Variants in KCNH1 observed in about 807,000 individuals in gnomAD.
The protein encoded by KCNH1 is potassium voltage-gated channel subfamily H member 1.
KCNH1 carries 27 observed loss-of-function variants against 69.2 expected under a neutral mutation model. The observed-to-expected ratio is 0.39, with a 90% CI of 0.29 to 0.54. KCNH1 has a LOEUF of 0.54. Among genes scored for constraint, KCNH1 ranks in the 20% least tolerant of loss-of-function variants. The pLI, the probability that KCNH1 is intolerant of heterozygous loss-of-function variation, is 0.68. For missense variants in KCNH1, 798 were observed against 1,261.6 expected, an observed-to-expected ratio of 0.63 and a Z score of 5.57; for synonymous variants, 456 against 487.7, an observed-to-expected ratio of 0.93 and a Z score of 0.86.
intron 3 of KCNH1, among the ~76,000 whole-genome samples, chr1:211,092,132 T>C (rs1691063654): frequency 6.6e-6 from 1 of 152,258 alleles, no homozygotes; most frequent in African/African-American, 2.4e-5. Flanking sequence ...GCCAGCACTG[T>C]GCTCAGCATT....
At chr1:210,861,490 C>T (rs1196392092) in intron 7 of KCNH1, 1 of 774,480 alleles carries the variant, frequency 1.3e-6, no homozygotes, top group Admixed American at 1.7e-5. Context: ...TATGTAAGGC[C>T]CACTTCTTGC....
At chr1:211,117,825 ACTGT>A (rs1691609500) in intron 1 of KCNH1, among the ~76,000 whole-genome samples, 2 of 152,160 alleles carry the variant, frequency 1.3e-5, no homozygotes, top group African/African-American at 2.4e-5. Context: ...ATAAAATATG[ACTGT>A]CTAAGTAATC....
chr1:210,781,831 C>T (rs930844879), intron 9 of KCNH1, among the ~76,000 whole-genome samples: 4 of 152,212 alleles, frequency 2.6e-5, no homozygotes, highest in East Asian at 1.9e-4. Flanking sequence ...GTATGAGTTT[C>T]GGGGCTAGAC....
intron 6 of KCNH1, among the ~76,000 whole-genome samples, chr1:210,935,061 A>G (rs61194650): frequency 0.049 from 7,425 of 151,402 alleles, 577 homozygotes; most frequent in African/African-American, 0.16. Flanking sequence ...ACTGTTCACA[A>G]TAGCTAAGAT....
At position 210,684,158 on chromosome 1, in the gene KCNH1, G is replaced by GAA. The variant is rs1275737980; in HGVS notation, c.2113-22_2113-21dup. On this transcript the variant is annotated intron_variant, in intron 10 of 10. Coordinates refer to ENST00000271751, the MANE Select transcript of KCNH1 (RefSeq NM_172362.3). ...CACAATCTGGAGAGAGAGAGAGAGA[G>GAA]AATGACATGGCGTGTTAGCCACATG... is the stretch of plus-strand genomic sequence containing the variant. 9.4e-6 allele frequency: 14 copies of GAA among 1,495,508 alleles called. No individual in the cohort carries two copies. The highest frequency in any genetic ancestry group is 2.8e-5 in the African/African-American group (2 of 71,418). The allele number at this position is 1,495,508 out of a possible 1,614,324, so 92.6% of individuals were successfully genotyped here.
intron 6 of KCNH1, among the ~76,000 whole-genome samples, chr1:210,961,316 AT>A (rs559100360): frequency 1.3e-4 from 19 of 151,158 alleles, no homozygotes; most frequent in Non-Finnish European, 1.8e-4. Context: ...CAAAGAGCAG[AT>A]TTTTTTTCAG....
chr1:211,066,309 T>G (rs115578367), intron 5 of KCNH1, among the ~76,000 whole-genome samples: 2,779 of 152,262 alleles, frequency 0.018, 40 homozygotes, highest in Non-Finnish European at 0.022. Flanking sequence ...TATTGCAAAT[T>G]GAGTATCCTT....
rs1558421105 is a variant in KCNH1, at chr1:210,683,770, G to GC, written c.2480dup (p.Gly828ArgfsTer21). ...TTTTGCGCTTGGCACAATCGCCCCC[G>GC]CCCCCCTTGGGGCCCAGGCACTCGG... is the stretch of plus-strand genomic sequence containing the variant. On this transcript the variant is annotated frameshift_variant, in exon 11 of 11. Coordinates refer to ENST00000271751, the MANE Select transcript of KCNH1 (RefSeq NM_172362.3). LOFTEE classifies it low-confidence loss of function (END_TRUNC). The surrounding 1 kb of genome is among the most constrained non-coding windows in gnomAD (Gnocchi z 5.7). The GC allele has an allele frequency of 1.2e-6, 2 of 1,613,682 alleles. No homozygotes were observed. Among genetic ancestry groups the GC allele is most frequent in the Admixed American group, 1.7e-5 (1 of 60,022 alleles).
chr1:211,129,144 C>T (rs955521413), intron 1 of KCNH1, among the ~76,000 whole-genome samples: 9 of 151,984 alleles, frequency 5.9e-5, no homozygotes, highest in Admixed American at 4.6e-4. Flanking sequence ...ACAGGTGTGG[C>T]CACTTAGAGA....
intron 1 of KCNH1, among the ~76,000 whole-genome samples, chr1:211,124,185 C>T (rs906809722): frequency 2.0e-5 from 3 of 152,146 alleles, no homozygotes; most frequent in African/African-American, 7.2e-5. Context: ...GGAAATGGAA[C>T]ATGAAAGTAT....
At chr1:211,047,245 A>T (rs536385147) in intron 5 of KCNH1, among the ~76,000 whole-genome samples, 1 of 152,350 alleles carries the variant, frequency 6.6e-6, no homozygotes, top group Admixed American at 6.5e-5. Context: ...ATACTACACC[A>T]CACGAATATC....
chr1:211,033,576 A>G (rs959824514), intron 5 of KCNH1, among the ~76,000 whole-genome samples: 1 of 152,234 alleles, frequency 6.6e-6, no homozygotes, highest in Non-Finnish European at 1.5e-5. Context: ...ACGGAATACT[A>G]TGCAGCCATA....
At chr1:210,983,798 A>G (rs977007171) in intron 6 of KCNH1, among the ~76,000 whole-genome samples, 5 of 152,108 alleles carry the variant, frequency 3.3e-5, no homozygotes, top group Non-Finnish European at 5.9e-5. Flanking sequence ...GTTTTTTCCA[A>G]TTCTGTGAAG....
At chr1:210,757,103 C>T (rs1006861717) in intron 10 of KCNH1, among the ~76,000 whole-genome samples, 3 of 152,218 alleles carry the variant, frequency 2.0e-5, no homozygotes, top group African/African-American at 7.2e-5. Context: ...CCTAGGAGTG[C>T]AGTCCTGGCC....
chr1:210,779,017 C>T (rs2102376429), intron 9 of KCNH1, among the ~76,000 whole-genome samples: 1 of 152,258 alleles, frequency 6.6e-6, no homozygotes, highest in East Asian at 1.9e-4. Context: ...AAACAAGGGG[C>T]AACCATATTG....
At position 210,828,189 on chromosome 1, in the gene KCNH1, T is replaced by G. The variant is rs538372610; in HGVS notation, c.1463-24023A>C. ...TGGAGATAAGTAACACCTGTCTCAA[T>G]GGGTTATTGGAAGATTAATTGAGGA... On this transcript the variant is annotated intron_variant, in intron 7 of 10. Coordinates refer to ENST00000271751, the MANE Select transcript of KCNH1 (RefSeq NM_172362.3). Among the ~76,000 whole-genome samples the G allele has an allele frequency of 1.8e-4, 28 of 152,240 alleles. 1 individual carries two copies. The South Asian group carries it at 5.4e-3, about 29-fold the overall frequency.
chr1:210,774,407 C>A (rs1208068335), intron 10 of KCNH1, among the ~76,000 whole-genome samples: 2 of 152,104 alleles, frequency 1.3e-5, no homozygotes, highest in African/African-American at 4.8e-5. Flanking sequence ...GCAGAACCAA[C>A]AGGATCTGTT....
intron 10 of KCNH1, among the ~76,000 whole-genome samples, chr1:210,721,480 GAAT>G (rs1682455738): frequency 1.3e-5 from 2 of 152,098 alleles, no homozygotes; most frequent in African/African-American, 4.8e-5. Flanking sequence ...ATTGTTTTTA[GAAT>G]AATGAGATCT....
intron 10 of KCNH1, among the ~76,000 whole-genome samples, chr1:210,751,814 G>A (rs1305144226): frequency 6.6e-6 from 1 of 152,004 alleles, no homozygotes; most frequent in African/African-American, 2.4e-5. Context: ...TATGAATAAA[G>A]CCCCCAAATC....
Sources: gnomAD v4.1 joint callset for allele counts (sites outside exome capture counted in the v4.1 genomes callset) on GRCh38, gnomAD v4.1.1 for gene constraint, Gnocchi (gnomAD v3.1) non-coding constraint, MANE v1.5 for transcripts, NCBI Gene and HGNC (gene_info 2026-07-23, HGNC 2026-07-21) for gene names.